Variants in KCNIP1 observed in about 807,000 individuals in gnomAD.
The protein encoded by KCNIP1 is potassium voltage-gated channel interacting protein 1.
In KCNIP1, 18 loss-of-function variants were observed where a neutral mutation model predicts 33.0. The observed-to-expected ratio is 0.55, with a 90% CI of 0.38 to 0.81. The LOEUF (loss-of-function observed/expected upper bound fraction) is 0.81, where lower values mean the gene tolerates loss of function less well. Ranked by LOEUF, KCNIP1 falls within the 30% of genes least tolerant of loss-of-function variation. The pLI is 0.00. For missense variants in KCNIP1, 238 were observed against 271.6 expected, an observed-to-expected ratio of 0.88 and a Z score of 0.87; for synonymous variants, 93 against 98.3, an observed-to-expected ratio of 0.95 and a Z score of 0.32.
chr5:170,662,740 A>C (rs1220765499), intron 1 of KCNIP1, among the ~76,000 whole-genome samples: 2 of 152,236 alleles, frequency 1.3e-5, no homozygotes, highest in Non-Finnish European at 2.9e-5. Context: ...AAACACTCTC[A>C]GCATTTGAGT....
At position 170,631,853 on chromosome 5, in the gene KCNIP1, A is replaced by G. The variant is rs1431146887; in HGVS notation, c.62-86905A>G. ...CAGGGGAAAGAGTAGCGCCGACAAC[A>G]GCCCCAGATGGTATGTGCACTGGCA... On this transcript the variant is annotated intron_variant, in intron 1 of 7. Transcript: ENST00000328939. Among the ~76,000 whole-genome samples, 4 of 152,292 alleles carry G rather than the reference A, an allele frequency of 2.6e-5. No individual in the cohort carries two copies. The East Asian group carries it at 5.8e-4, about 22-fold the overall frequency.
chr5:170,456,726 T>TTTCTTTC (rs1187266991), intron 1 of KCNIP1, among the ~76,000 whole-genome samples: 2 of 148,036 alleles, frequency 1.4e-5, no homozygotes, highest in Non-Finnish European at 3.0e-5. Flanking sequence ...TCTTTCTTTC[T>TTTCTTTC]TGTTTCTTTT....
chr5:170,376,307 G>C (rs1462147885), intron 1 of KCNIP1: 1 of 151,712 alleles, frequency 6.6e-6, no homozygotes, highest in East Asian at 1.9e-4. Flanking sequence ...ACTACAGGCG[G>C]CTACCACCAC....
chr5:170,427,126 C>G (rs2113440188), intron 1 of KCNIP1, among the ~76,000 whole-genome samples: 1 of 152,350 alleles, frequency 6.6e-6, no homozygotes, highest in Middle Eastern at 3.4e-3. Flanking sequence ...CATGGCCTCC[C>G]AGAGCCTCTG....
intron 1 of KCNIP1, among the ~76,000 whole-genome samples, chr5:170,476,823 A>G (rs1180262385): frequency 6.6e-6 from 1 of 152,224 alleles, no homozygotes; most frequent in Non-Finnish European, 1.5e-5. Flanking sequence ...TATTCATGAA[A>G]AATGAAAATA....
At chr5:170,403,662 G>A (rs1237457481) in intron 1 of KCNIP1, among the ~76,000 whole-genome samples, 1 of 152,224 alleles carries the variant, frequency 6.6e-6, no homozygotes, top group African/African-American at 2.4e-5. Context: ...CCTCTGGGAT[G>A]GAAGCCGTGG....
intron 1 of KCNIP1, among the ~76,000 whole-genome samples, chr5:170,487,326 A>G (rs961905228): frequency 6.6e-6 from 1 of 152,140 alleles, no homozygotes; most frequent in Non-Finnish European, 1.5e-5. Context: ...AATTTCTTTG[A>G]AAAAATTGCC....
intron 1 of KCNIP1, among the ~76,000 whole-genome samples, chr5:170,412,970 T>C (rs1755235051): frequency 6.6e-6 from 1 of 152,180 alleles, no homozygotes; most frequent in Admixed American, 6.5e-5. Flanking sequence ...GTATCTCCTG[T>C]CCCTCTGGAA....
intron 5 of KCNIP1, among the ~76,000 whole-genome samples, chr5:170,730,374 A>G (rs1236498256): frequency 6.6e-6 from 1 of 152,196 alleles, no homozygotes; most frequent in Non-Finnish European, 1.5e-5. Flanking sequence ...TGGAGGGCAG[A>G]GTTAATAAAG....
intron 1 of KCNIP1, among the ~76,000 whole-genome samples, chr5:170,682,780 G>A (rs368823398): frequency 1.7e-5 from 1 of 59,670 alleles, no homozygotes; most frequent in East Asian, 8.1e-4. Flanking sequence ...TATTTTCTTT[G>A]TTTCTTTTTT....
intron 1 of KCNIP1, among the ~76,000 whole-genome samples, chr5:170,579,653 T>C (rs1757723024): frequency 6.6e-6 from 1 of 152,210 alleles, no homozygotes; most frequent in Non-Finnish European, 1.5e-5. Context: ...CACACCTATC[T>C]CTGCTAGATT....
chr5:170,508,271 C>A (rs552022963), intron 1 of KCNIP1, among the ~76,000 whole-genome samples: 1 of 152,322 alleles, frequency 6.6e-6, no homozygotes, highest in South Asian at 2.1e-4. Context: ...TGAGCTATGA[C>A]TCAACCCCAT....
At chr5:170,723,352 T>C (rs189054846) in intron 5 of KCNIP1, among the ~76,000 whole-genome samples, 119 of 152,278 alleles carry the variant, frequency 7.8e-4, no homozygotes, top group South Asian at 4.1e-4. Flanking sequence ...TTCACTGCTT[T>C]GCACTTTTAG....
chr5:170,545,662 A>C (rs1243274472), intron 1 of KCNIP1, among the ~76,000 whole-genome samples: 3 of 152,094 alleles, frequency 2.0e-5, no homozygotes, highest in Non-Finnish European at 2.9e-5. Flanking sequence ...CTGTAAACCC[A>C]TATAGTAAGT....
chr5:170,621,653 C>T (rs190540184), intron 1 of KCNIP1, among the ~76,000 whole-genome samples: 1 of 152,192 alleles, frequency 6.6e-6, no homozygotes, highest in Non-Finnish European at 1.5e-5. Flanking sequence ...GAGCCACAGG[C>T]ACATGCCACC....
chr5:170,545,659 C>A (rs1483929176), intron 1 of KCNIP1, among the ~76,000 whole-genome samples: 4 of 152,046 alleles, frequency 2.6e-5, no homozygotes, highest in Non-Finnish European at 4.4e-5. Flanking sequence ...CTGCTGTAAA[C>A]CCATATAGTA....
chr5:170,453,374 A>C (rs552590927), intron 1 of KCNIP1, among the ~76,000 whole-genome samples: 1 of 152,318 alleles, frequency 6.6e-6, no homozygotes, highest in African/African-American at 2.4e-5. Context: ...GGGGAAAGGC[A>C]GTTTTCACAT....
At chr5:170,589,728 G>GTGTGA (rs1554102967) in intron 1 of KCNIP1, among the ~76,000 whole-genome samples, 1 of 70,646 alleles carries the variant, frequency 1.4e-5, no homozygotes. Context: ...GTGTGATGTG[G>GTGTGA]TGTGGTGTGG....
At chr5:170,473,332 C>T (rs1047210066) in intron 1 of KCNIP1, among the ~76,000 whole-genome samples, 12 of 152,162 alleles carry the variant, frequency 7.9e-5, no homozygotes, top group Admixed American at 7.9e-4. Flanking sequence ...CTCACAGTTG[C>T]TGTACTTGTT....
Sources: allele counts gnomAD v4.1 joint callset (sites outside exome capture counted in the v4.1 genomes callset), GRCh38; gene constraint gnomAD v4.1.1; transcripts MANE v1.5; gene names NCBI Gene and HGNC (gene_info 2026-07-23, HGNC 2026-07-21).